KHDRBS3: variants seen among roughly 807,000 people sequenced by gnomAD.
KHDRBS3 encodes the protein KH RNA binding domain containing, signal transduction associated 3, also known as KH domain-containing, RNA-binding, signal transduction-associated protein 3.
A neutral mutation model predicts 45.6 loss-of-function variants in KHDRBS3; 23 were observed. The ratio of observed to expected loss-of-function variants is 0.50; its 90% confidence interval spans 0.36 to 0.72. The LOEUF is 0.72. KHDRBS3 is among the 30% of genes least tolerant of loss of function. The pLI is 0.00. For synonymous variants in KHDRBS3, 162 were observed against 156.5 expected, an observed-to-expected ratio of 1.04 and a Z score of -0.26; for missense variants, 352 against 424.8, an observed-to-expected ratio of 0.83 and a Z score of 1.51.
intron 2 of KHDRBS3, among the ~76,000 whole-genome samples, chr8:135,530,166 G>A (rs1235904185): frequency 2.6e-5 from 4 of 151,916 alleles, no homozygotes; most frequent in African/African-American, 4.8e-5. Context: ...ATATCTCTAT[G>A]TCTATTGCTG....
At chr8:135,485,452 G>C (rs1822807292) in intron 1 of KHDRBS3, among the ~76,000 whole-genome samples, 1 of 152,112 alleles carries the variant, frequency 6.6e-6, no homozygotes, top group African/African-American at 2.4e-5. Context: ...GATAAAGTAT[G>C]ACGGTCTATG....
chr8:135,596,345 A>G (rs11992672), intron 6 of KHDRBS3, among the ~76,000 whole-genome samples: 280 of 152,282 alleles, frequency 1.8e-3, no homozygotes, highest in African/African-American at 6.6e-3. Flanking sequence ...GAAGTTTTAA[A>G]AAATGGGCCT....
At position 135,457,922 on chromosome 8, in the gene KHDRBS3, CCTT is replaced by C. The variant is rs1280573530; in HGVS notation, c.58_60del (p.Phe20del). 2.5e-6 allele frequency: 4 copies of C among 1,603,056 alleles called. No homozygotes were observed. The highest frequency in any genetic ancestry group is 1.7e-5 in the Admixed American group (1 of 59,358). ...GCGGAGAAGGACTCCCTGGACCCCT[CCTT>C]CACGCACGCCCTGCGCCTGGTGAAC... On this transcript the variant is annotated inframe_deletion, in exon 1 of 9. Coordinates refer to ENST00000355849, the MANE Select transcript of KHDRBS3 (RefSeq NM_006558.3). This position sits in a 1 kb window ranked among gnomAD's most constrained non-coding sequence, Gnocchi z 4.4.
chr8:135,639,948 A>G (rs1830991686), intron 7 of KHDRBS3, among the ~76,000 whole-genome samples: 1 of 152,214 alleles, frequency 6.6e-6, no homozygotes, highest in Non-Finnish European at 1.5e-5. Context: ...TCCAAACCAC[A>G]TCACCCAGTG....
At chr8:135,493,259 T>C (rs1823248300) in intron 1 of KHDRBS3, among the ~76,000 whole-genome samples, 1 of 152,064 alleles carries the variant, frequency 6.6e-6, no homozygotes, top group South Asian at 2.1e-4. Flanking sequence ...GGATAGTTTT[T>C]TTTTCTCCCA....
chr8:135,597,667 G>A (rs889846577), intron 6 of KHDRBS3, among the ~76,000 whole-genome samples: 1 of 152,084 alleles, frequency 6.6e-6, no homozygotes, highest in African/African-American at 2.4e-5. Flanking sequence ...TGAATGCTAT[G>A]TCCCCGGTGC....
intron 4 of KHDRBS3, among the ~76,000 whole-genome samples, chr8:135,552,639 A>G (rs554126994): frequency 6.6e-6 from 1 of 151,918 alleles, no homozygotes; most frequent in Non-Finnish European, 1.5e-5. Flanking sequence ...TTTGTTGCTG[A>G]GGTGTTTTTT....
intron 6 of KHDRBS3, among the ~76,000 whole-genome samples, chr8:135,591,922 T>A (rs1465619500): frequency 1.3e-5 from 2 of 152,242 alleles, no homozygotes; most frequent in Non-Finnish European, 2.9e-5. Context: ...TCAATTATCT[T>A]GTTTTCCATA....
At chr8:135,531,336 CTAA>C (rs1449984582) in intron 2 of KHDRBS3, among the ~76,000 whole-genome samples, 1 of 151,878 alleles carries the variant, frequency 6.6e-6, no homozygotes, top group African/African-American at 2.4e-5. Flanking sequence ...TCAACCACTA[CTAA>C]TAATACCTAG....
chr8:135,588,840 C>G (rs1021895359), intron 6 of KHDRBS3, among the ~76,000 whole-genome samples: 1 of 152,074 alleles, frequency 6.6e-6, no homozygotes, highest in Non-Finnish European at 1.5e-5. Flanking sequence ...TTCACGGTCC[C>G]CTCTCCCTGA....
intron 1 of KHDRBS3, among the ~76,000 whole-genome samples, chr8:135,483,970 A>G (rs1235877198): frequency 6.6e-6 from 1 of 152,134 alleles, no homozygotes; most frequent in Admixed American, 6.5e-5. Flanking sequence ...GATGAAGATG[A>G]GGCCTCTGGA....
At chr8:135,514,048 G>C (rs949653435) in intron 1 of KHDRBS3, among the ~76,000 whole-genome samples, 1 of 152,174 alleles carries the variant, frequency 6.6e-6, no homozygotes, top group Non-Finnish European at 1.5e-5. Context: ...AGTCCACTTT[G>C]AGAGCTCACT....
rs190482124 is a variant in KHDRBS3, at chr8:135,463,161, C to T, written c.88+5207C>T. 3.3e-4 allele frequency among the ~76,000 whole-genome samples: 50 copies of T among 152,192 alleles called. No homozygotes were observed. The East Asian group carries it at 8.7e-3, about 26-fold the overall frequency. On this transcript the variant is annotated intron_variant, in intron 1 of 8. Coordinates refer to ENST00000355849, the MANE Select transcript of KHDRBS3 (RefSeq NM_006558.3). ...CTTTCTTGGTAAAGAGTGAGTTCCT[C>T]GGAAGACAGGGCCTGGTCTTTCCTC...
chr8:135,593,412 T>G (rs1045931818), intron 6 of KHDRBS3: 3 of 152,234 alleles, frequency 2.0e-5, no homozygotes, highest in African/African-American at 7.2e-5. Flanking sequence ...TTTATTTTTC[T>G]TATTACTCTC....
At chr8:135,608,566 T>G (rs772289540) in intron 7 of KHDRBS3, among the ~76,000 whole-genome samples, 1 of 152,214 alleles carries the variant, frequency 6.6e-6, no homozygotes, top group Non-Finnish European at 1.5e-5. Context: ...GATAAAATGG[T>G]AACAGGTGTG....
intron 7 of KHDRBS3, among the ~76,000 whole-genome samples, chr8:135,616,641 G>A (rs763642280): frequency 5.3e-5 from 8 of 152,166 alleles, no homozygotes; most frequent in Non-Finnish European, 8.8e-5. Context: ...ACCATTCATA[G>A]CAATGACAGA....
chr8:135,553,826 T>C (rs1346988897), intron 4 of KHDRBS3, among the ~76,000 whole-genome samples: 1 of 152,208 alleles, frequency 6.6e-6, no homozygotes, highest in African/African-American at 2.4e-5. Context: ...TTCTGCTCTT[T>C]ACAATTCATG....
chr8:135,584,120 A>G (rs905310210), intron 6 of KHDRBS3, among the ~76,000 whole-genome samples: 4 of 152,164 alleles, frequency 2.6e-5, no homozygotes, highest in African/African-American at 7.2e-5. Flanking sequence ...GAAAAAGTCA[A>G]CCTTCATTGT....
intron 5 of KHDRBS3, among the ~76,000 whole-genome samples, chr8:135,579,097 T>A (rs1412442077): frequency 6.6e-6 from 1 of 152,184 alleles, no homozygotes; most frequent in Non-Finnish European, 1.5e-5. Flanking sequence ...TTTTGGGGAC[T>A]ATTTTTGGGG....
Sources: gnomAD v4.1 joint callset for allele counts (sites outside exome capture counted in the v4.1 genomes callset) on GRCh38, gnomAD v4.1.1 for gene constraint, Gnocchi (gnomAD v3.1) non-coding constraint, MANE v1.5 for transcripts, NCBI Gene and HGNC (gene_info 2026-07-23, HGNC 2026-07-21) for gene names.